PGBD2: variants seen among roughly 807,000 people sequenced by gnomAD.
PGBD2 encodes piggyBac transposable element derived 2, also known as piggyBac transposable element-derived protein 2.
In PGBD2, 6 loss-of-function variants were observed where a neutral mutation model predicts 8.1. The observed-to-expected ratio is 0.74, with a 90% confidence interval of 0.40 to 1.46. The LOEUF (loss-of-function observed/expected upper bound fraction) is 1.46, where lower values mean the gene tolerates loss of function less well. Ranked by LOEUF, PGBD2 falls within the 40% of genes most tolerant of loss-of-function variation. The pLI is 0.02. For synonymous variants in PGBD2, 318 were observed against 272.2 expected, an observed-to-expected ratio of 1.17 and a Z score of -1.66; for missense variants, 802 against 739.0, an observed-to-expected ratio of 1.09 and a Z score of -0.99.
chr1:248,875,308 CAAAAAAAAAAAA>C, the PGBD2 span, among the ~76,000 whole-genome samples: 2 of 110,254 alleles, frequency 1.8e-5, no homozygotes, highest in East Asian at 2.6e-4. Flanking sequence ...AAAAACAAAA[CAAAAAAAAAAAA>C]AAAAAAAAGA....
At position 248,916,752 on chromosome 1, in the gene PGBD2, TGAG is replaced by T. The variant is rs747255790; in HGVS notation, c.171_173del (p.Glu57del). 2 of 1,614,152 alleles carry T rather than the reference TGAG, an allele frequency of 1.2e-6. No homozygotes were observed. The highest frequency in any genetic ancestry group is 2.2e-5 in the South Asian group (2 of 91,080). ...ACAATGCTGCGGGGGAATTCACTGATGAGGACTCAGGGGATGAAGACAGCCAGC... is the reference window on the plus strand; with the variant it reads ...ACAATGCTGCGGGGGAATTCACTGATGACTCAGGGGATGAAGACAGCCAGC... On this transcript the variant is annotated inframe_deletion, in exon 3 of 3. Transcript: ENST00000329291.
chr1:248,903,429 T>C (rs1425522704), upstream of PGBD2, among the ~76,000 whole-genome samples: 2 of 152,188 alleles, frequency 1.3e-5, no homozygotes, highest in African/African-American at 2.4e-5. Context: ...CCTCAGGCGA[T>C]TCTCCCACCT....
chr1:248,926,645 C>T, the PGBD2 span, among the ~76,000 whole-genome samples: 4 of 152,196 alleles, frequency 2.6e-5, no homozygotes, highest in Non-Finnish European at 5.9e-5. Context: ...AACCACAACT[C>T]TCTTCTCATT....
the PGBD2 span, among the ~76,000 whole-genome samples, chr1:248,876,027 A>G: frequency 6.8e-6 from 1 of 146,014 alleles, no homozygotes; most frequent in South Asian, 2.2e-4. Flanking sequence ...TTTTTCTTTG[A>G]GACGGAGTTT....
the PGBD2 span, among the ~76,000 whole-genome samples, chr1:248,890,841 C>T: frequency 7.9e-5 from 12 of 151,074 alleles, no homozygotes; most frequent in African/African-American, 2.7e-4. Context: ...CACCCACACA[C>T]ACCACACACC....
At chr1:248,891,542 T>A in the PGBD2 span, among the ~76,000 whole-genome samples, 1 of 152,176 alleles carries the variant, frequency 6.6e-6, no homozygotes, top group Non-Finnish European at 1.5e-5. Context: ...TTAAGAAATA[T>A]TTTTGGGCCA....
chr1:248,890,268 C>T, the PGBD2 span, among the ~76,000 whole-genome samples: 773 of 152,252 alleles, frequency 5.1e-3, 12 homozygotes, highest in African/African-American at 0.017. Flanking sequence ...GCAGCTTCTG[C>T]CCTAACTAGG....
chr1:248,891,792 C>A, the PGBD2 span, among the ~76,000 whole-genome samples: 1 of 152,280 alleles, frequency 6.6e-6, no homozygotes, highest in African/African-American at 2.4e-5. Context: ...CCACTGCATT[C>A]CAGCCTGGGC....
downstream of PGBD2, among the ~76,000 whole-genome samples, chr1:248,923,771 G>A (rs547716685): frequency 4.6e-5 from 7 of 152,270 alleles, no homozygotes; most frequent in African/African-American, 1.2e-4. Flanking sequence ...CATAGGGCAC[G>A]GATGGATTTC....
chr1:248,885,439 C>G, the PGBD2 span, among the ~76,000 whole-genome samples: 4 of 151,832 alleles, frequency 2.6e-5, no homozygotes, highest in South Asian at 2.1e-4. Flanking sequence ...CCATGCTCAG[C>G]TAAAAATTTT....
Position 248,917,084 on chromosome 1 carries a change from A to G in PGBD2, c.500A>G (p.Gln167Arg). The G allele has an allele frequency of 6.2e-7, 1 of 1,613,792 alleles. No individual in the cohort carries two copies. Among genetic ancestry groups the G allele is most frequent in the Non-Finnish European group, 8.5e-7 (1 of 1,179,940 alleles). Reference protein sequence around the residue: ...IVNETNRYAWQKNVNLSLTAQ... With the variant: ...IVNETNRYAWRKNVNLSLTAQ... ...AATGAAACCAATCGTTATGCTTGGC[A>G]GAAAAATGTCAATTTGAGTCTTACG... is the stretch of plus-strand genomic sequence containing the variant. The change falls in exon 3 of 3, where the codon CAG (glutamine) becomes CGG (arginine). Residue 167 changes from glutamine to arginine, a missense_variant. By Grantham distance (43) the Gln-to-Arg change is conservative. Coordinates refer to ENST00000329291, the MANE Select transcript of PGBD2 (RefSeq NM_170725.3).
At position 248,918,473 on chromosome 1, in the gene PGBD2, C is replaced by T; in HGVS notation, c.*110C>T. 1 of 1,110,972 alleles carries T rather than the reference C, an allele frequency of 9.0e-7. No homozygotes were observed. Among genetic ancestry groups the T allele is most frequent in the Non-Finnish European group, 1.3e-6 (1 of 798,726 alleles). The allele number at this position is 1,110,972 out of a possible 1,614,324, so 68.8% of individuals were successfully genotyped here. A position where few individuals can be genotyped will look rare whatever the true frequency, so the allele number is the denominator to read the frequency against. On this transcript the variant is annotated 3_prime_UTR_variant, in exon 3 of 3. Coordinates refer to ENST00000329291, the MANE Select transcript of PGBD2 (RefSeq NM_170725.3). Reference sequence around the variant, plus strand: ...GAAAAAAGACCTGAATTTCTAATGACTTGATTTTCTATTTTCTCCCTACCC... The same window carrying T: ...GAAAAAAGACCTGAATTTCTAATGATTTGATTTTCTATTTTCTCCCTACCC...
the PGBD2 span, among the ~76,000 whole-genome samples, chr1:248,928,449 G>A: frequency 6.6e-6 from 1 of 152,294 alleles, no homozygotes; most frequent in East Asian, 1.9e-4. Flanking sequence ...AACACAGGTA[G>A]CTCTAATATA....
At chr1:248,874,555 A>G in the PGBD2 span, among the ~76,000 whole-genome samples, 2 of 152,276 alleles carry the variant, frequency 1.3e-5, no homozygotes, top group East Asian at 3.9e-4. Flanking sequence ...TGATCCAAAA[A>G]GATAGCTCTG....
the PGBD2 span, among the ~76,000 whole-genome samples, chr1:248,882,170 G>A: frequency 3.9e-5 from 6 of 152,250 alleles, no homozygotes; most frequent in African/African-American, 1.2e-4. Flanking sequence ...GTCCAGGGGG[G>A]TCACCGCCTT....
chr1:248,899,124 G>C, the PGBD2 span, among the ~76,000 whole-genome samples: 1 of 152,176 alleles, frequency 6.6e-6, no homozygotes, highest in Non-Finnish European at 1.5e-5. Context: ...GAGAGTTACA[G>C]AGAAACTTAG....
At chr1:248,885,251 C>T in the PGBD2 span, among the ~76,000 whole-genome samples, 278 of 151,904 alleles carry the variant, frequency 1.8e-3, 1 homozygote, top group African/African-American at 6.0e-3. Context: ...TCTCTCACTT[C>T]AGTTTCTTGA....
chr1:248,890,074 T>C, the PGBD2 span, among the ~76,000 whole-genome samples: 1 of 151,912 alleles, frequency 6.6e-6, no homozygotes, highest in Non-Finnish European at 1.5e-5. Flanking sequence ...ATTACAGGCA[T>C]GCGCCACCAC....
chr1:248,899,794 T>G, the PGBD2 span, among the ~76,000 whole-genome samples: 1,281 of 144,748 alleles, frequency 8.8e-3, 21 homozygotes, highest in African/African-American at 0.031. Context: ...CTGTTTTTTT[T>G]GGGAAAAAAA....
Sources: allele counts gnomAD v4.1 joint callset (sites outside exome capture counted in the v4.1 genomes callset), GRCh38; gene constraint gnomAD v4.1.1; transcripts MANE v1.5; gene names NCBI Gene and HGNC (gene_info 2026-07-23, HGNC 2026-07-21).